The following RANBP17 variants were observed in gnomAD, a reference collection of about 807,000 sequenced individuals.
RANBP17 encodes the protein ran-binding protein 17.
RANBP17 carries 158 observed loss-of-function variants against 141.2 expected under a neutral mutation model. The observed-to-expected ratio is 1.12, with a 90% CI of 0.98 to 1.28. The LOEUF (loss-of-function observed/expected upper bound fraction) is 1.28, where lower values mean the gene tolerates loss of function less well. RANBP17 is among the 50% of genes most tolerant of loss of function. The pLI, the probability that RANBP17 is intolerant of heterozygous loss-of-function variation, is 0.00. For synonymous variants in RANBP17, 430 were observed against 450.0 expected (o/e 0.96, Z 0.56); for missense variants, 1,438 against 1,290.7 (o/e 1.11, Z -1.75).
intron 14 of RANBP17, among the ~76,000 whole-genome samples, chr5:171,126,217 A>C (rs1478996309): frequency 1.3e-5 from 2 of 152,238 alleles, no homozygotes; most frequent in African/African-American, 4.8e-5. Context: ...GCTCCTGAAT[A>C]ACCACTGGGT....
At chr5:170,877,424 C>A (rs1231272967) in intron 1 of RANBP17, among the ~76,000 whole-genome samples, 1 of 151,990 alleles carries the variant, frequency 6.6e-6, no homozygotes, top group Non-Finnish European at 1.5e-5. Flanking sequence ...CCTACTATAC[C>A]CAGCTACTTT....
chr5:170,935,483 G>A (rs184745335), intron 12 of RANBP17, among the ~76,000 whole-genome samples: 4,602 of 152,198 alleles, frequency 0.03, 233 homozygotes, highest in African/African-American at 0.1. Context: ...GTATGGATGG[G>A]GTTTTGGTGT....
intron 11 of RANBP17, among the ~76,000 whole-genome samples, chr5:170,923,862 C>T (rs1164767184): frequency 6.6e-6 from 1 of 152,070 alleles, no homozygotes; most frequent in African/African-American, 2.4e-5. Flanking sequence ...CTTAGTTAAA[C>T]TTACCTATTA....
chr5:171,090,132 A>T (rs1786122971), intron 14 of RANBP17, among the ~76,000 whole-genome samples: 2 of 152,186 alleles, frequency 1.3e-5, no homozygotes, highest in Admixed American at 1.3e-4. Flanking sequence ...TCAGAAGAAG[A>T]TAGGAAAATG....
At chr5:171,126,120 T>C (rs1185081782) in intron 14 of RANBP17, among the ~76,000 whole-genome samples, 1 of 152,134 alleles carries the variant, frequency 6.6e-6, no homozygotes, top group Non-Finnish European at 1.5e-5. Context: ...TGCCACATAT[T>C]ATATCTGACC....
intron 1 of RANBP17, among the ~76,000 whole-genome samples, chr5:170,877,154 C>G (rs2127346584): frequency 6.6e-6 from 1 of 152,210 alleles, no homozygotes; most frequent in African/African-American, 2.4e-5. Flanking sequence ...GAGACTTTAA[C>G]ATAACTGGTT....
rs554067021 is a variant in RANBP17 at position 171,035,338 on chromosome 5, C to G, written c.1710+66961C>G. 4.6e-5 allele frequency among the ~76,000 whole-genome samples: 7 copies of G among 152,150 alleles called. No individual in the cohort carries two copies. The South Asian group carries it at 1.5e-3, about 32-fold the overall frequency. On this transcript the variant is annotated intron_variant, in intron 14 of 27. Transcript: ENST00000523189. ...AAACATAAGAAATTAAACATGATAC[C>G]TTAGTAATTTTTTAAATGAATTTAA...
intron 14 of RANBP17, among the ~76,000 whole-genome samples, chr5:171,034,673 G>A (rs953527802): frequency 6.6e-6 from 1 of 152,198 alleles, no homozygotes; most frequent in East Asian, 1.9e-4. Flanking sequence ...AACAGATGCA[G>A]TGCAAAAGCA....
rs147131333 is a variant in RANBP17, at chr5:171,252,961, A to G, written c.2776+10141A>G. 640 of 1,430,968 alleles carry G rather than the reference A, an allele frequency of 4.5e-4. 2 individuals are homozygous for G. In the African/African-American group the frequency reaches 8.1e-3, roughly 18 times the overall value. 88.6% of individuals were successfully genotyped at this position (1,430,968 alleles called of 1,614,324 possible). A position where few individuals can be genotyped will look rare whatever the true frequency, so the allele number is the denominator to read the frequency against. ...CTCAAAGAACTCTGAGTCTGGTTAC[A>G]TCCTTTTCTATCAGTCTCGGGATTG... On this transcript the variant is annotated intron_variant, in intron 24 of 27. Transcript: ENST00000523189.
chr5:171,122,869 C>G (rs976864105), intron 14 of RANBP17, among the ~76,000 whole-genome samples: 28 of 152,166 alleles, frequency 1.8e-4, no homozygotes, highest in African/African-American at 6.8e-4. Context: ...CCTTTGTATC[C>G]CCACATACCT....
intron 14 of RANBP17, among the ~76,000 whole-genome samples, chr5:170,997,301 A>G (rs1297327669): frequency 6.6e-6 from 1 of 152,204 alleles, no homozygotes; most frequent in African/African-American, 2.4e-5. Context: ...TAGCAGTGTA[A>G]GAATGGACTA....
intron 14 of RANBP17, among the ~76,000 whole-genome samples, chr5:171,089,773 C>A (rs1201350972): frequency 6.6e-6 from 1 of 152,196 alleles, no homozygotes; most frequent in Admixed American, 6.5e-5. Context: ...ACTCCCTGAC[C>A]CCTTGCACTT....
intron 12 of RANBP17, among the ~76,000 whole-genome samples, chr5:170,935,120 C>T (rs1285967780): frequency 6.6e-6 from 1 of 152,190 alleles, no homozygotes; most frequent in Non-Finnish European, 1.5e-5. Flanking sequence ...GTGCATGCAT[C>T]ACGTAGTTCT....
At chr5:170,895,444 A>T (rs931968441) in intron 4 of RANBP17, among the ~76,000 whole-genome samples, 1 of 152,232 alleles carries the variant, frequency 6.6e-6, no homozygotes, top group African/African-American at 2.4e-5. Flanking sequence ...TGATTAAATT[A>T]AAAACATTAT....
chr5:171,074,195 G>A (rs1784783918), intron 14 of RANBP17, among the ~76,000 whole-genome samples: 1 of 152,056 alleles, frequency 6.6e-6, no homozygotes, highest in African/African-American at 2.4e-5. Context: ...GCACATCTGT[G>A]GTATTAGTCC....
At position 171,253,119 on chromosome 5, in the gene RANBP17, G is replaced by C. The variant is rs970443943; in HGVS notation, c.2776+10299G>C. The C allele has an allele frequency of 8.2e-6, 5 of 611,790 alleles. No homozygotes were observed. In the African/African-American group the frequency reaches 9.3e-5, roughly 11 times the overall value. The allele number at this position is 611,790 out of a possible 1,614,324, so 37.9% of individuals were successfully genotyped here. Reference sequence around the variant, plus strand: ...GGGGGCAGTAGCACACTTTGCACACGATAAAGCAAAGACGATGGATTGACA... The same window carrying C: ...GGGGGCAGTAGCACACTTTGCACACCATAAAGCAAAGACGATGGATTGACA... On this transcript the variant is annotated intron_variant, in intron 24 of 27. Transcript: ENST00000523189.
At chr5:171,257,496 A>C (rs566358051) in intron 24 of RANBP17, among the ~76,000 whole-genome samples, 1 of 152,270 alleles carries the variant, frequency 6.6e-6, no homozygotes, top group African/African-American at 2.4e-5. Flanking sequence ...CTAAGAACTA[A>C]AACAAGACAA....
chr5:170,918,794 G>C lies in RANBP17; in HGVS notation c.1036G>C (p.Val346Leu). The C allele has an allele frequency of 1.9e-6, 3 of 1,606,520 alleles. No homozygotes were observed. The highest frequency in any genetic ancestry group is 1.3e-5 in the African/African-American group (1 of 74,644). ...LKTNYQLGEL[V>L]MVKEYPEVIR... ...GACAAATTATCAGCTGGGAGAATTA[G>C]TTATGGTGAAGGAATATCCTGAAGT... is the stretch of plus-strand genomic sequence containing the variant. Residue 346 changes from valine (V) to leucine (L), a missense_variant, in exon 10 of 28, where the codon GTT (valine) becomes CTT (leucine). Physicochemically the swap from Val to Leu is conservative, Grantham distance 32. Transcript: ENST00000523189.
intron 14 of RANBP17, among the ~76,000 whole-genome samples, chr5:171,097,903 T>C (rs936931395): frequency 1.7e-4 from 26 of 152,132 alleles, no homozygotes; most frequent in African/African-American, 6.3e-4. Context: ...TTTCTGTTTC[T>C]GTGTTAGTTT....
Sources: gnomAD v4.1 joint callset for allele counts (sites outside exome capture counted in the v4.1 genomes callset) on GRCh38, gnomAD v4.1.1 for gene constraint, MANE v1.5 for transcripts, NCBI Gene and HGNC (gene_info 2026-07-23, HGNC 2026-07-21) for gene names.